The following STX18 variants were observed in gnomAD, a reference collection of about 807,000 sequenced individuals.
STX18 encodes syntaxin-18.
STX18 carries 40 observed loss-of-function variants against 50.1 expected under a neutral mutation model. The observed-to-expected ratio is 0.80, with a 90% CI of 0.62 to 1.04. STX18 has a LOEUF of 1.04. STX18 is among the 50% of genes least tolerant of loss of function. STX18 has a pLI of 0.00. For synonymous variants in STX18, 158 were observed against 151.8 expected, an observed-to-expected ratio of 1.04 and a Z score of -0.30; for missense variants, 410 against 415.8, an observed-to-expected ratio of 0.99 and a Z score of 0.12.
At chr4:4,477,412 T>C (rs1280087647) in intron 1 of STX18, among the ~76,000 whole-genome samples, 3 of 152,140 alleles carry the variant, frequency 2.0e-5, no homozygotes, top group Admixed American at 2.0e-4. Flanking sequence ...CTTGCAATCT[T>C]TGCTTAAATT....
Position 4,541,989 on chromosome 4 carries a change from AC to A in STX18, c.-26del. The A allele has an allele frequency of 6.4e-7, 1 of 1,561,314 alleles. No individual in the cohort carries two copies. The highest frequency in any genetic ancestry group is 8.7e-7 in the Non-Finnish European group (1 of 1,153,594). On this transcript the variant is annotated 5_prime_UTR_variant, in exon 1 of 11. In the 5' UTR this introduces an upstream ATG that the reference lacks. Coordinates refer to ENST00000306200, the MANE Select transcript of STX18 (RefSeq NM_016930.4). Reference sequence around the variant, plus strand: ...TAGCGACCCGCACCCTCAGCCCCACACTAGGCCCGCCCACGTAAGCAGCCGG... The same window carrying A: ...TAGCGACCCGCACCCTCAGCCCCACATAGGCCCGCCCACGTAAGCAGCCGG...
At chr4:4,452,448 G>T (rs1243890867) in intron 5 of STX18, among the ~76,000 whole-genome samples, 2 of 152,230 alleles carry the variant, frequency 1.3e-5, no homozygotes, top group African/African-American at 4.8e-5. Context: ...AGAAGTCAAT[G>T]GCTGACTTCA....
At position 4,527,851 on chromosome 4, in the gene STX18, TAC is replaced by T. The variant is rs1373211949; in HGVS notation, c.168+13944_168+13945del. On this transcript the variant is annotated intron_variant, in intron 1 of 10. Coordinates refer to ENST00000306200, the MANE Select transcript of STX18 (RefSeq NM_016930.4). The stretch of plus-strand genomic sequence containing the variant: ...ATATATATATGTCTTTATATATATA[TAC>T]ACACACACACACACATATATATATA... 3.1e-3 allele frequency among the ~76,000 whole-genome samples: 422 copies of T among 136,858 alleles called. 4 individuals carry two copies. The highest frequency in any genetic ancestry group is 0.01 in the African/African-American group (352 of 34,922). The allele number at this position is 136,858 out of a possible 152,430, so 89.8% of individuals were successfully genotyped here. A position where few individuals can be genotyped will look rare whatever the true frequency, so the allele number is the denominator to read the frequency against.
intron 1 of STX18, among the ~76,000 whole-genome samples, chr4:4,539,423 A>AG (rs1370612380): frequency 1.3e-5 from 2 of 152,358 alleles, no homozygotes; most frequent in Admixed American, 6.5e-5. Context: ...ATCCATCACT[A>AG]GCTCTTCTAG....
intron 1 of STX18, among the ~76,000 whole-genome samples, chr4:4,537,091 C>T (rs1391451760): frequency 2.0e-5 from 3 of 152,164 alleles, no homozygotes; most frequent in Non-Finnish European, 4.4e-5. Context: ...TCGGTGCTTA[C>T]GGGTTTCTTG....
intron 1 of STX18, among the ~76,000 whole-genome samples, chr4:4,499,260 C>A (rs911202844): frequency 5.9e-5 from 9 of 152,068 alleles, no homozygotes; most frequent in Non-Finnish European, 1.0e-4. Context: ...GGAATGAGAC[C>A]AACTGAAATC....
intron 1 of STX18, among the ~76,000 whole-genome samples, chr4:4,500,172 T>C (rs1729370478): frequency 6.6e-6 from 1 of 152,194 alleles, no homozygotes; most frequent in African/African-American, 2.4e-5. Flanking sequence ...ATGCAAAATA[T>C]AAGGAGGAAA....
At chr4:4,469,221 T>A (rs1727786191) in intron 2 of STX18, among the ~76,000 whole-genome samples, 1 of 152,208 alleles carries the variant, frequency 6.6e-6, no homozygotes, top group African/African-American at 2.4e-5. Context: ...AGGCCAAGTC[T>A]AGCCTGCAGG....
At chr4:4,436,155 G>A (rs995467354) in intron 6 of STX18, among the ~76,000 whole-genome samples, 1 of 152,196 alleles carries the variant, frequency 6.6e-6, no homozygotes, top group African/African-American at 2.4e-5. Context: ...ACAATGTAGA[G>A]AAAGCTCACT....
chr4:4,503,873 C>T (rs1185870731), intron 1 of STX18, among the ~76,000 whole-genome samples: 2 of 152,028 alleles, frequency 1.3e-5, no homozygotes, highest in South Asian at 2.1e-4. Context: ...AAAACTTCCA[C>T]TTTAAAATGT....
Position 4,460,339 on chromosome 4 carries a change from T to G in STX18, c.237-852A>C, listed in dbSNP as rs911810383. On this transcript the variant is annotated intron_variant, in intron 2 of 10. Transcript: ENST00000306200. ...AATGAGCCTGAGTTGGAGAATATGC[T>G]TGATACACAGCTACGACTGTGCTCC... 1.3e-5 allele frequency among the ~76,000 whole-genome samples: 2 copies of G among 152,306 alleles called. 1 individual carries two copies. The highest frequency in any genetic ancestry group is 6.8e-3 in the Middle Eastern group (2 of 294).
At chr4:4,511,482 T>C (rs1165494176) in intron 1 of STX18, among the ~76,000 whole-genome samples, 1 of 152,240 alleles carries the variant, frequency 6.6e-6, no homozygotes, top group Non-Finnish European at 1.5e-5. Flanking sequence ...ATAATTTTGA[T>C]GCAATCCTAG....
chr4:4,478,994 T>C (rs1263112695), intron 1 of STX18: 3 of 152,584 alleles, frequency 2.0e-5, no homozygotes, highest in Non-Finnish European at 2.9e-5. Context: ...AAGGGATATA[T>C]TTTACAAGCT....
At chr4:4,512,349 C>G (rs1005402663) in intron 1 of STX18, among the ~76,000 whole-genome samples, 1 of 151,824 alleles carries the variant, frequency 6.6e-6, no homozygotes, top group Non-Finnish European at 1.5e-5. Context: ...AAAAAAAAAT[C>G]TTAGGAAAGG....
chr4:4,478,163 G>A (rs1043866364), intron 1 of STX18, among the ~76,000 whole-genome samples: 1 of 150,902 alleles, frequency 6.6e-6, no homozygotes, highest in African/African-American at 2.5e-5. Context: ...GAGTATTTGT[G>A]AGAGTATTTG....
At chr4:4,438,560 C>T in intron 5 of STX18, 51 bp from the exon 6 acceptor site, 2 of 1,470,052 alleles carry the variant, frequency 1.4e-6, no homozygotes, top group South Asian at 1.2e-5. Flanking sequence ...AACAGGATTC[C>T]TTTTTGAAAA....
Position 4,434,766 on chromosome 4 carries a change from T to G in STX18, c.702+4A>C. ...ATAAATAATTAGGCAGAGAATAGCA[T>G]TACCATTTGTATTTCTTCTGGGGAT... On this transcript the variant is annotated splice_donor_region_variant and intron_variant, in intron 7 of 10. Coordinates refer to ENST00000306200, the MANE Select transcript of STX18 (RefSeq NM_016930.4). 6.2e-7 allele frequency: 1 copy of G among 1,602,466 alleles called. No individual in the cohort carries two copies. The highest frequency in any genetic ancestry group is 8.5e-7 in the Non-Finnish European group (1 of 1,175,746).
At chr4:4,500,052 C>A (rs28593501) in intron 1 of STX18, among the ~76,000 whole-genome samples, 1 of 151,964 alleles carries the variant, frequency 6.6e-6, no homozygotes, top group Admixed American at 6.5e-5. Flanking sequence ...ATCCTATCTT[C>A]AATGGGATTT....
At chr4:4,437,872 T>C (rs916341466) in intron 6 of STX18, among the ~76,000 whole-genome samples, 1 of 152,366 alleles carries the variant, frequency 6.6e-6, no homozygotes, top group East Asian at 1.9e-4. Flanking sequence ...ATGGAGACCC[T>C]GTATTTCTTC....
Sources: gnomAD v4.1 joint callset for allele counts (sites outside exome capture counted in the v4.1 genomes callset) on GRCh38, gnomAD v4.1.1 for gene constraint, MANE v1.5 for transcripts, NCBI Gene and HGNC (gene_info 2026-07-23, HGNC 2026-07-21) for gene names.